The following MADD variants were observed in gnomAD, a reference collection of about 807,000 sequenced individuals.
MADD encodes MAP kinase activating death domain, also known as MAP kinase-activating death domain protein.
A neutral mutation model predicts 176.7 loss-of-function variants in MADD; 109 were observed. The ratio of observed to expected loss-of-function variants is 0.62; its 90% CI spans 0.53 to 0.72. The LOEUF is 0.72. MADD is among the 30% of genes least tolerant of loss of function. The probability of loss-of-function intolerance (pLI) is 0.00; values close to 1 mark genes in which losing one functional copy is unlikely to be tolerated. For missense variants in MADD, 1,914 were observed against 2,045.5 expected (o/e 0.94, Z 1.24); for synonymous variants, 771 against 771.3 (o/e 1.00, Z 0.01).
rs774399899 is a variant in MADD at position 47,309,266 on chromosome 11, C to T, written c.3752-15C>T. The T allele has an allele frequency of 8.1e-6, 13 of 1,611,730 alleles. No individual in the cohort carries two copies. Among genetic ancestry groups the T allele is most frequent in the East Asian group, 2.2e-5 (1 of 44,880 alleles). ...ATGTTAAATAGGCCCCCTAAGAAACCTTTATTCTATGCAGGCAAAGAGCGT... is the reference window on the plus strand; with the variant it reads ...ATGTTAAATAGGCCCCCTAAGAAACTTTTATTCTATGCAGGCAAAGAGCGT... On this transcript the variant is annotated splice_polypyrimidine_tract_variant and intron_variant, in intron 23 of 32. Transcript: ENST00000402192.
intron 31 of MADD, chr11:47,327,107 GA>G: frequency 8.9e-7 from 1 of 1,126,268 alleles, no homozygotes; most frequent in Non-Finnish European, 1.1e-6. Flanking sequence ...CCAGTGGTCA[GA>G]AAGTTTGGGA....
intron 31 of MADD, chr11:47,328,361 C>G (rs768456491): frequency 1.5e-6 from 2 of 1,324,668 alleles, no homozygotes; most frequent in African/African-American, 3.0e-5. Context: ...GTGAAAGGCC[C>G]GTCCCTCCCA....
In MADD at chr11:47,305,202, A is replaced by G. The variant is rs138001491; in HGVS notation, c.3643-3389A>G. ...GTGTCAGGTCTGACTGACATGGCCT[A>G]CAAGCAGCTGCAGAGGCACTGGGTT... On this transcript the variant is annotated intron_variant, in intron 22 of 32. Transcript: ENST00000402192. Among the ~76,000 whole-genome samples the G allele has an allele frequency of 1.5e-4, 23 of 152,214 alleles. No homozygotes were observed. The East Asian group carries it at 4.2e-3, about 28-fold the overall frequency.
intron 32 of MADD, 137 bp downstream of exon 36, chr11:47,328,841 G>C (rs1175709011): frequency 3.5e-6 from 4 of 1,154,056 alleles, no homozygotes; most frequent in Non-Finnish European, 5.0e-6. Flanking sequence ...GTTCAACTCA[G>C]GCTGAAACAG....
exon 13 of MADD, chr11:47,285,177 A>G: frequency 6.2e-7 from 1 of 1,613,990 alleles, no homozygotes; most frequent in Non-Finnish European, 8.5e-7. Flanking sequence ...GATTCAGCCA[A>G]CATGTCAGTG....
intron 30 of MADD, chr11:47,324,918 G>A (rs772743643): frequency 3.3e-6 from 2 of 600,370 alleles, no homozygotes; most frequent in East Asian, 5.5e-5. Flanking sequence ...CTATTCCCAG[G>A]ATATGCTTCT....
exon 10 of MADD, chr11:47,282,917 G>A (rs1461378777): frequency 1.2e-6 from 2 of 1,613,930 alleles, no homozygotes; most frequent in South Asian, 1.1e-5. Flanking sequence ...GCTGGCTGAG[G>A]CCCTGAGTGT....
intron 15 of MADD, among the ~76,000 whole-genome samples, chr11:47,287,592 T>C (rs1368236573): frequency 6.6e-6 from 1 of 151,886 alleles, no homozygotes; most frequent in African/African-American, 2.4e-5. Flanking sequence ...GTATTTTTAG[T>C]AGAGACGGGG....
intron 19 of MADD, among the ~76,000 whole-genome samples, chr11:47,292,314 C>T (rs2138743983): frequency 6.6e-6 from 1 of 152,246 alleles, no homozygotes; most frequent in Middle Eastern, 3.4e-3. Context: ...GTTTTTACTG[C>T]CACATTGGGA....
At chr11:47,293,578 C>T (rs1364677818) in intron 19 of MADD, among the ~76,000 whole-genome samples, 5 of 152,192 alleles carry the variant, frequency 3.3e-5, no homozygotes, top group African/African-American at 1.2e-4. Flanking sequence ...GCTGGGATTA[C>T]AGTCGTGAGC....
intron 3 of MADD, 152 bp from the exon 4 acceptor site, chr11:47,275,747 C>T: frequency 4.2e-6 from 3 of 718,682 alleles, no homozygotes; most frequent in African/African-American, 1.8e-5. Context: ...ATTGTATATA[C>T]TTTCCGGTCC....
At chr11:47,299,518 A>C (rs1020923818) in intron 22 of MADD, among the ~76,000 whole-genome samples, 1 of 118,078 alleles carries the variant, frequency 8.5e-6, no homozygotes, top group Non-Finnish European at 1.8e-5. Flanking sequence ...TTTTATGTTG[A>C]TTTTGTATCC....
chr11:47,319,364 C>T (rs1429187241), intron 27 of MADD, among the ~76,000 whole-genome samples: 1 of 151,994 alleles, frequency 6.6e-6, no homozygotes, highest in Non-Finnish European at 1.5e-5. Flanking sequence ...AACTCCTGAC[C>T]TTAAGTGATC....
intron 26 of MADD, 24 bp downstream of exon 29, chr11:47,311,866 AGGCTTCCCCAT>A: frequency 6.8e-7 from 1 of 1,471,422 alleles, no homozygotes; most frequent in Non-Finnish European, 9.5e-7. Flanking sequence ...GCCACCCCTT[AGGCTTCCCCAT>A]GGGTCATTTC....
At chr11:47,271,805 C>G (rs948123004) in intron 1 of MADD, among the ~76,000 whole-genome samples, 2 of 151,538 alleles carry the variant, frequency 1.3e-5, no homozygotes, top group Non-Finnish European at 2.9e-5. Flanking sequence ...TTACTCATAT[C>G]CCATTTCATT....
chr11:47,289,052 A>T, intron 15 of MADD, 25 bp downstream of exon 16: 1 of 1,571,540 alleles, frequency 6.4e-7, no homozygotes, highest in Non-Finnish European at 8.6e-7. Flanking sequence ...TGAGCTGTGC[A>T]TGATCTTTTT....
intron 5 of MADD, among the ~76,000 whole-genome samples, chr11:47,277,530 T>C (rs907221020): frequency 6.6e-6 from 1 of 152,096 alleles, no homozygotes; most frequent in Admixed American, 6.6e-5. Flanking sequence ...CTCTTGACCT[T>C]AGGTGATCCG....
intron 31 of MADD, chr11:47,328,144 C>A: frequency 9.8e-7 from 1 of 1,015,796 alleles, no homozygotes. Context: ...GTTACCTCTT[C>A]ATCCAGCCTC....
At chr11:47,328,015 C>T in intron 31 of MADD, 1 of 989,546 alleles carries the variant, frequency 1.0e-6, no homozygotes, top group Non-Finnish European at 1.2e-6. Flanking sequence ...CTGTACTCGC[C>T]TGTCTTCTGC....
Sources: allele counts gnomAD v4.1 joint callset (sites outside exome capture counted in the v4.1 genomes callset), GRCh38; gene constraint gnomAD v4.1.1; transcripts MANE v1.5; gene names NCBI Gene and HGNC (gene_info 2026-07-23, HGNC 2026-07-21).